GRID1: variants seen among roughly 807,000 people sequenced by gnomAD.
The protein encoded by GRID1 is glutamate receptor ionotropic, delta-1.
In GRID1, 28 loss-of-function variants were observed where a neutral mutation model predicts 98.0. The observed-to-expected ratio is 0.29, with a 90% CI of 0.21 to 0.39. The LOEUF (loss-of-function observed/expected upper bound fraction) is 0.39. Ranked by LOEUF, GRID1 falls within the 10% of genes least tolerant of loss-of-function variation. The pLI, the probability that GRID1 is intolerant of heterozygous loss-of-function variation, is 1.00. For missense variants in GRID1, 1,111 were observed against 1,340.5 expected, an observed-to-expected ratio of 0.83 and a Z score of 2.67; for synonymous variants, 553 against 538.5, an observed-to-expected ratio of 1.03 and a Z score of -0.37.
At chr10:85,878,973 A>G (rs1198945654) in intron 5 of GRID1, among the ~76,000 whole-genome samples, 1 of 151,786 alleles carries the variant, frequency 6.6e-6, no homozygotes, top group Non-Finnish European at 1.5e-5. Context: ...TTGCAATCCT[A>G]GTCTCTGATA....
intron 4 of GRID1, among the ~76,000 whole-genome samples, chr10:85,983,513 G>A (rs537817746): frequency 1.1e-4 from 17 of 152,326 alleles, no homozygotes; most frequent in South Asian, 6.2e-4. Context: ...GATGAACAGG[G>A]TGGAAATGAT....
rs75640388 is a variant in GRID1, at chr10:85,760,230, G to A, written c.1234-30616C>T. On this transcript the variant is annotated intron_variant, in intron 8 of 15. Coordinates refer to ENST00000327946, the MANE Select transcript of GRID1 (RefSeq NM_017551.3). ...GATACATGAAAAGTGCTGACCATCA[G>A]TTGTTTTTGACCTATATAAATGGCA... Among the ~76,000 whole-genome samples, 496 of 152,300 alleles carry A rather than the reference G, an allele frequency of 3.3e-3. 4 individuals carry two copies. Among genetic ancestry groups the A allele is most frequent in the African/African-American group, 0.011 (473 of 41,554 alleles).
intron 2 of GRID1, among the ~76,000 whole-genome samples, chr10:86,241,767 C>G (rs1846640165): frequency 6.6e-6 from 1 of 152,094 alleles, no homozygotes; most frequent in African/African-American, 2.4e-5. Context: ...TGAGACAAAC[C>G]CCCAACCACT....
At chr10:85,997,189 C>G (rs1025038705) in intron 4 of GRID1, among the ~76,000 whole-genome samples, 23 of 152,244 alleles carry the variant, frequency 1.5e-4, no homozygotes, top group Non-Finnish European at 2.5e-4. Context: ...ATCACAAAGT[C>G]AGGAGTTCAA....
intron 4 of GRID1, among the ~76,000 whole-genome samples, chr10:86,029,205 T>C (rs774734454): frequency 6.6e-6 from 1 of 152,212 alleles, no homozygotes; most frequent in Admixed American, 6.5e-5. Context: ...TCCTCTGTCC[T>C]CCTTGTCATT....
chr10:85,666,168 A>G (rs574922646), intron 12 of GRID1, among the ~76,000 whole-genome samples: 5 of 152,354 alleles, frequency 3.3e-5, no homozygotes, highest in Admixed American at 6.5e-5. Flanking sequence ...AAATTTCCAG[A>G]CTATACTGAC....
intron 2 of GRID1, among the ~76,000 whole-genome samples, chr10:86,315,931 C>T (rs527805355): frequency 6.6e-6 from 1 of 152,226 alleles, no homozygotes; most frequent in African/African-American, 2.4e-5. Flanking sequence ...TTCATCTATC[C>T]ATCCATCCAT....
chr10:86,280,978 A>G (rs1395133447), intron 2 of GRID1, among the ~76,000 whole-genome samples: 1 of 152,160 alleles, frequency 6.6e-6, no homozygotes. Flanking sequence ...GATTCTACCA[A>G]CCATGGGGAT....
At chr10:86,176,721 A>T (rs577564804) in intron 3 of GRID1, among the ~76,000 whole-genome samples, 1 of 152,296 alleles carries the variant, frequency 6.6e-6, no homozygotes, top group African/African-American at 2.4e-5. Flanking sequence ...CTGGTGACCA[A>T]TGGGGTGAAT....
At position 85,848,604 on chromosome 10, in the gene GRID1, AAAC is replaced by A. The variant is rs1296913110; in HGVS notation, c.1233+5889_1233+5891del. ...TGATCTCTATGTATGAAGGGAGAAGAAACAACAAGAAAATACAACAGAAACATT... is the reference window on the plus strand; with the variant it reads ...TGATCTCTATGTATGAAGGGAGAAGAAACAAGAAAATACAACAGAAACATT... On this transcript the variant is annotated intron_variant, in intron 8 of 15. Transcript: ENST00000327946. Among the ~76,000 whole-genome samples, 6 of 152,368 alleles carry A rather than the reference AAAC, an allele frequency of 3.9e-5. No individual in the cohort carries two copies. The East Asian group carries it at 5.8e-4, about 15-fold the overall frequency.
rs566067186 is a variant in GRID1, at chr10:85,897,731, G to T, written c.780+18455C>A. ...ATTGATCCATTATCAATTTTTTTGTGATGAGAACATTTAAAATCTTTCTTA... is the reference window on the plus strand; with the variant it reads ...ATTGATCCATTATCAATTTTTTTGTTATGAGAACATTTAAAATCTTTCTTA... On this transcript the variant is annotated intron_variant, in intron 5 of 15. Coordinates refer to ENST00000327946, the MANE Select transcript of GRID1 (RefSeq NM_017551.3). Among the ~76,000 whole-genome samples the T allele has an allele frequency of 2.0e-5, 3 of 152,192 alleles. No individual in the cohort carries two copies. In the East Asian group the frequency reaches 5.8e-4, roughly 29 times the overall value.
chr10:86,022,309 A>T (rs2131887644), intron 4 of GRID1, among the ~76,000 whole-genome samples: 1 of 152,334 alleles, frequency 6.6e-6, no homozygotes, highest in African/African-American at 2.4e-5. Context: ...CAGTTTTTAA[A>T]TTTAAACTAA....
chr10:86,113,981 T>C (rs1231369731), intron 4 of GRID1, among the ~76,000 whole-genome samples: 1 of 152,086 alleles, frequency 6.6e-6, no homozygotes, highest in Non-Finnish European at 1.5e-5. Flanking sequence ...CAGAGGTTTG[T>C]AAGCAGAGGC....
chr10:86,305,576 A>G (rs1847748376), intron 2 of GRID1, among the ~76,000 whole-genome samples: 3 of 152,154 alleles, frequency 2.0e-5, no homozygotes, highest in Admixed American at 6.5e-5. Flanking sequence ...TGGAGGCAGC[A>G]GCCAGTGGGG....
intron 2 of GRID1, among the ~76,000 whole-genome samples, chr10:86,347,720 CT>C (rs1848405499): frequency 6.6e-6 from 1 of 152,192 alleles, no homozygotes; most frequent in Non-Finnish European, 1.5e-5. Flanking sequence ...AGCCTCTGGC[CT>C]TTTCTATTAC....
At chr10:86,261,537 T>C (rs1287036009) in intron 2 of GRID1, among the ~76,000 whole-genome samples, 1 of 152,204 alleles carries the variant, frequency 6.6e-6, no homozygotes, top group Non-Finnish European at 1.5e-5. Context: ...GGTGCTCCAC[T>C]AACCGCTAGG....
At chr10:85,741,723 C>T (rs145727585) in intron 8 of GRID1, among the ~76,000 whole-genome samples, 218 of 152,194 alleles carry the variant, frequency 1.4e-3, no homozygotes, top group African/African-American at 5.0e-3. Context: ...TGGTTTTCAA[C>T]TACAGTTGGG....
At chr10:85,661,463 C>T (rs1268949508) in intron 12 of GRID1, among the ~76,000 whole-genome samples, 2 of 152,192 alleles carry the variant, frequency 1.3e-5, no homozygotes, top group African/African-American at 4.8e-5. Flanking sequence ...TCTCATTTTG[C>T]AGTGTCTGTT....
intron 4 of GRID1, among the ~76,000 whole-genome samples, chr10:86,124,319 C>T (rs779156344): frequency 6.6e-6 from 1 of 152,180 alleles, no homozygotes; most frequent in Non-Finnish European, 1.5e-5. Flanking sequence ...ATGTCACCTG[C>T]CACCACTCTC....
Sources: gnomAD v4.1 joint callset for allele counts (sites outside exome capture counted in the v4.1 genomes callset) on GRCh38, gnomAD v4.1.1 for gene constraint, MANE v1.5 for transcripts, NCBI Gene and HGNC (gene_info 2026-07-23, HGNC 2026-07-21) for gene names.